Variants in POLE2 observed in about 807,000 individuals in gnomAD.
POLE2 encodes DNA polymerase epsilon subunit 2.
In POLE2, 56 loss-of-function variants were observed where a neutral mutation model predicts 79.4. The ratio of observed to expected loss-of-function variants is 0.71; its 90% CI spans 0.57 to 0.88. POLE2 has a LOEUF of 0.88. Ranked by LOEUF, POLE2 falls within the 40% of genes least tolerant of loss-of-function variation. POLE2 has a pLI of 0.00. For missense variants in POLE2, 598 were observed against 638.9 expected (o/e 0.94, Z 0.69); for synonymous variants, 212 against 214.0 (o/e 0.99, Z 0.08).
chr14:49,654,712 A>G, intron 13 of POLE2, 72 bp downstream of exon 13: 1 of 1,451,590 alleles, frequency 6.9e-7, no homozygotes, highest in Admixed American at 2.8e-5. Context: ...AATTGCTGAT[A>G]TAACAAAATT....
chr14:49,679,658 A>G (rs765792326), intron 3 of POLE2, 67 bp downstream of exon 3: 1 of 776,394 alleles, frequency 1.3e-6, no homozygotes, highest in Non-Finnish European at 2.2e-6. Context: ...ATTTTCCAAG[A>G]CAATAATTAA....
In POLE2 at chr14:49,663,315, C is replaced by G. The variant is rs1339493044; in HGVS notation, c.755G>C (p.Arg252Thr). The G allele has an allele frequency of 2.6e-6, 4 of 1,553,504 alleles. No individual in the cohort carries two copies. The highest frequency in any genetic ancestry group is 3.5e-6 in the Non-Finnish European group (4 of 1,133,018). Residue 252 changes from arginine to threonine, a missense_variant and splice_region_variant, in exon 10 of 19, where the codon AGG becomes ACG. Transcript: ENST00000216367. ...FPPTEPSSTT[R>T]AYYGNINFFG... ...GAGTATAAACCAAACATTTTAATACCTAGTAGTACTAGAGGGCTCAGTGGG... is the reference window on the plus strand; with the variant it reads ...GAGTATAAACCAAACATTTTAATACGTAGTAGTACTAGAGGGCTCAGTGGG...
chr14:49,662,523 A>T (rs1189357142), intron 10 of POLE2, among the ~76,000 whole-genome samples: 3 of 152,254 alleles, frequency 2.0e-5, no homozygotes, highest in Non-Finnish European at 2.9e-5. Context: ...CTCCAGGAAG[A>T]TAACACTAAA....
At chr14:49,678,568 G>A (rs931573465) in intron 3 of POLE2, among the ~76,000 whole-genome samples, 6 of 152,072 alleles carry the variant, frequency 3.9e-5, no homozygotes, top group African/African-American at 9.7e-5. Context: ...AACGAGTAAC[G>A]TCTATTTTAG....
At chr14:49,661,103 T>C (rs1885069283) in intron 10 of POLE2, among the ~76,000 whole-genome samples, 1 of 152,100 alleles carries the variant, frequency 6.6e-6, no homozygotes. Context: ...GTATTTTTAA[T>C]AGAGACAGGG....
chr14:49,681,245 A>C (rs912905435), intron 2 of POLE2: 1 of 206,572 alleles, frequency 4.8e-6, no homozygotes, highest in Non-Finnish European at 1.0e-5. Context: ...TATTTAACAA[A>C]AAGGTCCCTG....
intron 17 of POLE2, among the ~76,000 whole-genome samples, chr14:49,649,511 G>A (rs769687383): frequency 9.4e-4 from 142 of 150,370 alleles, no homozygotes; most frequent in Non-Finnish European, 1.7e-3. Context: ...GTGCAATGGC[G>A]TGATCTCCGC....
rs571819798 is a variant in POLE2 at position 49,683,377 on chromosome 14, G to A, written c.169+216C>T. On this transcript the variant is annotated intron_variant, in intron 2 of 18. Coordinates refer to ENST00000216367, the MANE Select transcript of POLE2 (RefSeq NM_002692.4). ...AGATAGCGCCATTGCACTCCAGCCT[G>A]GGCAACAGAGCGAGACTCCATCCCA... is the stretch of plus-strand genomic sequence containing the variant. Among the ~76,000 whole-genome samples, 3 of 151,166 alleles carry A rather than the reference G, an allele frequency of 2.0e-5. No homozygotes were observed. The South Asian group carries it at 6.2e-4, about 31-fold the overall frequency.
intron 7 of POLE2, among the ~76,000 whole-genome samples, chr14:49,665,809 A>C (rs1594588536): frequency 6.6e-6 from 1 of 151,888 alleles, no homozygotes; most frequent in Non-Finnish European, 1.5e-5. Context: ...TCTCTGCTGA[A>C]CAGCCATTAT....
At chr14:49,678,630 A>C (rs1886479836) in intron 3 of POLE2, among the ~76,000 whole-genome samples, 1 of 152,142 alleles carries the variant, frequency 6.6e-6, no homozygotes, top group African/African-American at 2.4e-5. Context: ...TGATGGCTTT[A>C]GGAACATTCA....
Position 49,650,381 on chromosome 14 carries a change from C to G in POLE2, c.1381G>C (p.Val461Leu). The change falls in exon 17 of 19, where the codon GTG (valine) becomes CTG (leucine). Residue 461 changes from valine to leucine, a missense_variant. Transcript: ENST00000216367. ...LTPLPLYVCP[V>L]YWAYDYALRV... ...AAAGCATAGTCATATGCCCAATACA[C>G]TGGGCAGACATAAAGAGGTAGGGGA... 1.8e-5 allele frequency: 28 copies of G among 1,587,188 alleles called. No individual in the cohort carries two copies. The highest frequency in any genetic ancestry group is 2.4e-5 in the Non-Finnish European group (28 of 1,159,708).
intron 15 of POLE2, 130 bp downstream of exon 15, chr14:49,653,860 T>C (rs1330049457): frequency 1.7e-6 from 1 of 597,706 alleles, no homozygotes; most frequent in Non-Finnish European, 3.0e-6. Flanking sequence ...TTGCCAAAGC[T>C]GGTCTCGGAA....
rs769241849 is a variant in POLE2, at chr14:49,663,389, T to C, written c.683-2A>G. The C allele has an allele frequency of 2.5e-6, 4 of 1,601,444 alleles. No individual in the cohort carries two copies. Among genetic ancestry groups the C allele is most frequent in the Non-Finnish European group, 3.4e-6 (4 of 1,172,038 alleles). On this transcript the variant is annotated splice_acceptor_variant, in intron 9 of 18. Transcript: ENST00000216367. LOFTEE classifies it high-confidence loss of function. ...GAAACACTTGATCTTCAAACCAACCTGAAAAAAAGTAACGTCACTTTCATT... is the reference window on the plus strand; with the variant it reads ...GAAACACTTGATCTTCAAACCAACCCGAAAAAAAGTAACGTCACTTTCATT...
intron 16 of POLE2, 81 bp from the exon 17 acceptor site, chr14:49,650,522 TATTA>T: frequency 4.2e-6 from 4 of 947,416 alleles, no homozygotes; most frequent in South Asian, 4.0e-5. Context: ...TCAAATTAAA[TATTA>T]ATTACCAAAA....
chr14:49,687,009 C>T (rs562617947), intron 1 of POLE2, among the ~76,000 whole-genome samples: 2 of 152,190 alleles, frequency 1.3e-5, no homozygotes, highest in South Asian at 2.1e-4. Flanking sequence ...CTAGGTCAGG[C>T]GCAGTGGTTC....
At chr14:49,656,940 C>G (rs1336716459) in intron 10 of POLE2, among the ~76,000 whole-genome samples, 3 of 151,966 alleles carry the variant, frequency 2.0e-5, no homozygotes, top group Non-Finnish European at 4.4e-5. Flanking sequence ...GAAATCCACC[C>G]CATCTCTATT....
At chr14:49,687,954 T>C (rs1405291454) in intron 1 of POLE2, among the ~76,000 whole-genome samples, 182 bp downstream of exon 1, 1 of 152,140 alleles carries the variant, frequency 6.6e-6, no homozygotes, top group African/African-American at 2.4e-5. Context: ...CGCCTCGACC[T>C]CCCAAAGTGC....
At position 49,684,109 on chromosome 14, in the gene POLE2, A is replaced by G. The variant is rs567802836; in HGVS notation, c.69-416T>C. Among the ~76,000 whole-genome samples the G allele has an allele frequency of 3.9e-5, 6 of 152,340 alleles. No homozygotes were observed. The East Asian group carries it at 1.2e-3, about 29-fold the overall frequency. ...ATAAGACACTCATATATTTAATTTGATAATGCACTTGTTCAAAGTAAATTC... is the reference window on the plus strand; with the variant it reads ...ATAAGACACTCATATATTTAATTTGGTAATGCACTTGTTCAAAGTAAATTC... On this transcript the variant is annotated intron_variant, in intron 1 of 18. Transcript: ENST00000216367.
Position 49,655,085 on chromosome 14 carries a change from G to A in POLE2, c.938C>T (p.Pro313Leu). The stretch of plus-strand genomic sequence containing the variant: ...CAGAATAAAGCAGGTTGGAGGTGCT[G>A]GTGAATAACCTAAACAATAAAAGAG... ...KLRIMFAGYS[P>L]APPTCFILCG... Residue 313 changes from proline (P) to leucine (L), a missense_variant, in exon 12 of 19, where the codon CCA (proline) becomes CTA (leucine). By Grantham distance (98) the Pro-to-Leu change is moderately conservative. Transcript: ENST00000216367. 1 of 1,523,446 alleles carries A rather than the reference G, an allele frequency of 6.6e-7. No homozygotes were observed. Among genetic ancestry groups the A allele is most frequent in the East Asian group, 2.4e-5 (1 of 41,594 alleles). 94.4% of individuals were successfully genotyped at this position (1,523,446 alleles called of 1,614,324 possible). A position where few individuals can be genotyped will look rare whatever the true frequency, so the allele number is the denominator to read the frequency against.
Sources: allele counts gnomAD v4.1 joint callset (sites outside exome capture counted in the v4.1 genomes callset), GRCh38; gene constraint gnomAD v4.1.1; transcripts MANE v1.5; gene names NCBI Gene and HGNC (gene_info 2026-07-23, HGNC 2026-07-21).